The following PSMD2 variants were observed in gnomAD, a reference collection of about 807,000 sequenced individuals.
PSMD2 encodes the protein proteasome 26S subunit ubiquitin receptor, non-ATPase 2, also known as 26S proteasome non-ATPase regulatory subunit 2.
A neutral mutation model predicts 101.5 loss-of-function variants in PSMD2; 8 were observed. The ratio of observed to expected loss-of-function variants is 0.08; its 90% CI spans 0.05 to 0.14. PSMD2 has a LOEUF of 0.14. PSMD2 is among the 10% of genes least tolerant of loss of function. The probability of loss-of-function intolerance (pLI) is 1.00; values close to 1 mark genes in which losing one functional copy is unlikely to be tolerated. For synonymous variants in PSMD2, 418 were observed against 433.8 expected, an observed-to-expected ratio of 0.96 and a Z score of 0.45; for missense variants, 784 against 1,147.4, an observed-to-expected ratio of 0.68 and a Z score of 4.58.
chr3:184,299,451 C>T lies in PSMD2; in HGVS notation c.135+50C>T, dbSNP rs1020962722. 3.8e-6 allele frequency: 5 copies of T among 1,311,834 alleles called. No homozygotes were observed. In the East Asian group the frequency reaches 9.3e-5, roughly 24 times the overall value. The allele number at this position is 1,311,834 out of a possible 1,614,324, so 81.3% of individuals were successfully genotyped here. On this transcript the variant is annotated intron_variant, in intron 1 of 20. Transcript: ENST00000310118. ...CGAAGGAGGCTGCGGGGCTGAGTCA[C>T]GGCGGCTCCGCAGGCCTCAGGCCCG...
intron 6 of PSMD2, 45 bp downstream of exon 6, chr3:184,302,573 A>T: frequency 6.2e-7 from 1 of 1,611,910 alleles, no homozygotes; most frequent in Non-Finnish European, 8.5e-7. Context: ...TACGAATAGG[A>T]CACTTGCATA....
chr3:184,299,809 G>A, intron 1 of PSMD2, 42 bp from the exon 2 acceptor site: 1 of 1,543,102 alleles, frequency 6.5e-7, no homozygotes, highest in Non-Finnish European at 9.0e-7. Context: ...GGACGTCTTT[G>A]GGATTCCTTC....
intron 3 of PSMD2, among the ~76,000 whole-genome samples, 199 bp from the exon 4 acceptor site, chr3:184,301,336 CAA>C (rs112455702): frequency 3.1e-4 from 28 of 90,222 alleles, no homozygotes; most frequent in East Asian, 3.3e-4. Context: ...AACTGAGTCT[CAA>C]AAAAAAAAAA....
chr3:184,305,848 G>C lies in PSMD2; in HGVS notation c.1620G>C (p.Gln540His), dbSNP rs760627306. The C allele has an allele frequency of 5.6e-6, 9 of 1,614,186 alleles. No individual in the cohort carries two copies. Among genetic ancestry groups the C allele is most frequent in the Non-Finnish European group, 4.2e-6 (5 of 1,180,042 alleles). The stretch of plus-strand genomic sequence containing the variant: ...GAGATGTAACTTCCACTATCCTTCA[G>C]ACCATCATGGAGAAGTCAGAGACTG... Reference protein sequence around the residue: ...CNGDVTSTILQTIMEKSETEL... With the variant: ...CNGDVTSTILHTIMEKSETEL... The change falls in exon 13 of 21, where the codon CAG becomes CAC. Residue 540 changes from glutamine to histidine, a missense_variant. Gln to His is a conservative substitution (Grantham distance 24, BLOSUM62 0). Coordinates refer to ENST00000310118, the MANE Select transcript of PSMD2 (RefSeq NM_002808.5).
At position 184,308,935 on chromosome 3, in the gene PSMD2, C is replaced by A. The variant is rs1049448; in HGVS notation, c.*45C>A. 32,677 of 1,555,866 alleles carry A rather than the reference C, an allele frequency of 0.021. 411 individuals are homozygous for A. The highest frequency in any genetic ancestry group is 0.025 in the Non-Finnish European group (28,640 of 1,139,382). Reference sequence around the variant, plus strand: ...AACTGCAGCTGATGTTATCAGCAGGCCATGCATCCTGCTGCCAAGGGTGGA... The same window carrying A: ...AACTGCAGCTGATGTTATCAGCAGGACATGCATCCTGCTGCCAAGGGTGGA... On this transcript the variant is annotated 3_prime_UTR_variant, in exon 21 of 21. Transcript: ENST00000310118. The surrounding 1 kb of genome is among the most constrained non-coding windows in gnomAD (Gnocchi z 6.0).
chr3:184,304,152 A>G lies in PSMD2; in HGVS notation c.1451+78A>G, dbSNP rs1264280680. 1.3e-6 allele frequency: 2 copies of G among 1,588,860 alleles called. No homozygotes were observed. The highest frequency in any genetic ancestry group is 1.3e-5 in the African/African-American group (1 of 74,446). On this transcript the variant is annotated intron_variant, in intron 11 of 20. Coordinates refer to ENST00000310118, the MANE Select transcript of PSMD2 (RefSeq NM_002808.5). The surrounding 1 kb of genome is among the most constrained non-coding windows in gnomAD (Gnocchi z 4.1). ...AACAGGAACTGGGCCCTTTTCACCC[A>G]TATTGCCAAGGGCTACCACTGTGCC... is the stretch of plus-strand genomic sequence containing the variant.
intron 1 of PSMD2, 163 bp downstream of exon 1, chr3:184,299,564 C>T (rs981821544): frequency 9.7e-7 from 1 of 1,035,578 alleles, no homozygotes; most frequent in African/African-American, 1.6e-5. Context: ...TCCTCATTCT[C>T]CGTTCCGCGC....
At position 184,303,079 on chromosome 3, in the gene PSMD2, G is replaced by C; in HGVS notation, c.1069+17G>C. 1.2e-6 allele frequency: 2 copies of C among 1,611,558 alleles called. No homozygotes were observed. The highest frequency in any genetic ancestry group is 1.7e-6 in the Non-Finnish European group (2 of 1,177,720). ...AGAACAACAGTGAGTAGCCCTCTCT[G>C]TGTATGGGATTTGGGGGATTGTAGG... On this transcript the variant is annotated intron_variant, in intron 8 of 20. Transcript: ENST00000310118.
rs1404406427 is a variant in PSMD2 at position 184,299,374 on chromosome 3, C to G, written c.108C>G (p.Ala36=). The G allele has an allele frequency of 2.9e-6, 4 of 1,401,474 alleles. No homozygotes were observed. Among genetic ancestry groups the G allele is most frequent in the East Asian group, 6.0e-5 (2 of 33,268 alleles). 86.8% of individuals were successfully genotyped at this position (1,401,474 alleles called of 1,614,324 possible). Residue 36 remains alanine (A), a synonymous_variant, in exon 1 of 21, where the codon GCC becomes GCG. Transcript: ENST00000310118. ...CGAGCGGCAAGGAGCGGCGGGATGC[C>G]GGGGACAAGGACAAAGAACAGGAGC... ...EKPSGKERRD[A]GDKDKEQELS... is the part of the protein sequence containing the mutation.
At chr3:184,305,657 A>G in intron 12 of PSMD2, 111 bp from the exon 13 acceptor site, 3 of 981,146 alleles carry the variant, frequency 3.1e-6, no homozygotes, top group Non-Finnish European at 4.5e-6. Flanking sequence ...TTATGAACTA[A>G]TGTTATTAGG....
In PSMD2 at chr3:184,308,078, G is replaced by C. The variant is rs1721894997; in HGVS notation, c.2425+62G>C. 8.8e-6 allele frequency: 14 copies of C among 1,593,214 alleles called. No homozygotes were observed. The South Asian group carries it at 1.3e-4, about 15-fold the overall frequency. ...AGGGCTCTGACTCCACCCTTTCCAGGGCCACTTTGATAATTTAGGTTCAAG... is the reference window on the plus strand; with the variant it reads ...AGGGCTCTGACTCCACCCTTTCCAGCGCCACTTTGATAATTTAGGTTCAAG... On this transcript the variant is annotated intron_variant, in intron 19 of 20. Coordinates refer to ENST00000310118, the MANE Select transcript of PSMD2 (RefSeq NM_002808.5). This position sits in a 1 kb window ranked among gnomAD's most constrained non-coding sequence, Gnocchi z 6.0.
intron 6 of PSMD2, 48 bp downstream of exon 6, chr3:184,302,576 C>T: frequency 2.5e-6 from 4 of 1,611,592 alleles, no homozygotes; most frequent in Non-Finnish European, 3.4e-6. Context: ...GAATAGGACA[C>T]TTGCATAAAG....
rs759502181 is a variant in PSMD2 at position 184,303,301 on chromosome 3, C to T, written c.1070-19C>T. ...CCTGAAACCTTCTTTCCTTACTTTT[C>T]CTCTCCCTCCTGTTGCAGGGTTTGG... On this transcript the variant is annotated intron_variant, in intron 8 of 20. Transcript: ENST00000310118. The T allele has an allele frequency of 5.0e-6, 8 of 1,604,678 alleles. No individual in the cohort carries two copies. In the South Asian group the frequency reaches 5.6e-5, roughly 11 times the overall value.
rs1447226120 is a variant in PSMD2, at chr3:184,306,418, A to G, written c.1873A>G (p.Lys625Glu). The change falls in exon 15 of 21, where the codon AAG becomes GAG. Residue 625 changes from lysine (K) to glutamate (E), a missense_variant. Physicochemically the swap from Lys to Glu is moderately conservative, Grantham distance 56 (BLOSUM62 1). Coordinates refer to ENST00000310118, the MANE Select transcript of PSMD2 (RefSeq NM_002808.5). ...ICSEHFDSKE[K>E]EEDKDKKEKK... is the part of the protein sequence containing the mutation. ...TAGCGAACACTTTGACTCCAAAGAG[A>G]AGGAGGAAGACAAAGACAAGAAGGA... is the stretch of plus-strand genomic sequence containing the variant. The G allele has an allele frequency of 1.2e-6, 2 of 1,614,036 alleles. No individual in the cohort carries two copies. The highest frequency in any genetic ancestry group is 1.7e-6 in the Non-Finnish European group (2 of 1,180,022).
At chr3:184,302,253 C>G (rs1299057921) in intron 5 of PSMD2, 117 bp from the exon 6 acceptor site, 2 of 1,233,672 alleles carry the variant, frequency 1.6e-6, no homozygotes, top group Admixed American at 4.7e-5. Context: ...GTTCTAACAT[C>G]TAGCACAGTG....
chr3:184,307,272 C>T (rs1404249871), intron 16 of PSMD2, 85 bp from the exon 17 acceptor site: 2 of 1,457,842 alleles, frequency 1.4e-6, no homozygotes, highest in African/African-American at 1.4e-5. Context: ...AAGTTAAGGC[C>T]CCCTTTTACC....
At chr3:184,303,916 C>T (rs1721736570) in intron 10 of PSMD2, 31 bp from the exon 11 acceptor site, 2 of 1,614,198 alleles carry the variant, frequency 1.2e-6, no homozygotes, top group Non-Finnish European at 1.7e-6. Flanking sequence ...GATAGAGTAT[C>T]CTGAGTGAAG....
chr3:184,299,824 C>A, intron 1 of PSMD2, 27 bp from the exon 2 acceptor site: 1 of 1,601,546 alleles, frequency 6.2e-7, no homozygotes, highest in Non-Finnish European at 8.6e-7. Flanking sequence ...TCCTTCTCTT[C>A]ATGAGCTGCT....
chr3:184,299,356 C>T lies in PSMD2; in HGVS notation c.90C>T (p.Gly30=). Reference sequence around the variant, plus strand: ...GCGGCACGGACGAGAAGCCGAGCGGCAAGGAGCGGCGGGATGCCGGGGACA... The same window carrying T: ...GCGGCACGGACGAGAAGCCGAGCGGTAAGGAGCGGCGGGATGCCGGGGACA... ...APGGTDEKPS[G]KERRDAGDKD... The change falls in exon 1 of 21, where the codon GGC becomes GGT. Residue 30 remains glycine, a synonymous_variant. Coordinates refer to ENST00000310118, the MANE Select transcript of PSMD2 (RefSeq NM_002808.5). 2 of 1,413,526 alleles carry T rather than the reference C, an allele frequency of 1.4e-6. No individual in the cohort carries two copies. The highest frequency in any genetic ancestry group is 1.8e-6 in the Non-Finnish European group (2 of 1,087,248). 87.6% of individuals were successfully genotyped at this position (1,413,526 alleles called of 1,614,324 possible).
Sources: gnomAD v4.1 joint callset for allele counts (sites outside exome capture counted in the v4.1 genomes callset) on GRCh38, gnomAD v4.1.1 for gene constraint, Gnocchi (gnomAD v3.1) non-coding constraint, MANE v1.5 for transcripts, NCBI Gene and HGNC (gene_info 2026-07-23, HGNC 2026-07-21) for gene names.